The following SLC25A24 variants were observed in gnomAD, a reference collection of about 807,000 sequenced individuals.
SLC25A24 encodes solute carrier family 25 member 24.
Under a neutral mutation model 60.7 loss-of-function variants are expected in SLC25A24, and 49 were observed. The observed-to-expected ratio is 0.81, with a 90% CI of 0.64 to 1.02. The LOEUF (loss-of-function observed/expected upper bound fraction) is 1.02, where lower values mean the gene tolerates loss of function less well. Among genes scored for constraint, SLC25A24 ranks in the 50% least tolerant of loss-of-function variants. The probability of loss-of-function intolerance (pLI) is 0.00; values close to 1 mark genes in which losing one functional copy is unlikely to be tolerated. For missense variants in SLC25A24, 564 were observed against 586.3 expected, an observed-to-expected ratio of 0.96 and a Z score of 0.39; for synonymous variants, 202 against 200.6, an observed-to-expected ratio of 1.01 and a Z score of -0.06.
intron 4 of SLC25A24, among the ~76,000 whole-genome samples, chr1:108,159,095 A>G (rs1679983609): frequency 6.6e-6 from 1 of 152,242 alleles, no homozygotes; most frequent in East Asian, 1.9e-4. Context: ...TTGCACAATA[A>G]TAGAACTTGG....
intron 1 of SLC25A24, among the ~76,000 whole-genome samples, chr1:108,189,017 G>C (rs1458137854): frequency 6.6e-6 from 1 of 152,182 alleles, no homozygotes; most frequent in Non-Finnish European, 1.5e-5. Flanking sequence ...GAGATTTTCA[G>C]TGTTTCAGCA....
In SLC25A24 at chr1:108,164,223, T is replaced by C. The variant is rs1680176712; in HGVS notation, c.399-2930A>G. Among the ~76,000 whole-genome samples, 4 of 152,272 alleles carry C rather than the reference T, an allele frequency of 2.6e-5. No homozygotes were observed. The South Asian group carries it at 6.2e-4, about 24-fold the overall frequency. The stretch of plus-strand genomic sequence containing the variant: ...ATTTTATTGAGGATTTTTGCATCAA[T>C]GTTCATCAAGGATATTGGTCTAAAA... On this transcript the variant is annotated intron_variant, in intron 3 of 9. Transcript: ENST00000565488.
chr1:108,160,493 A>G (rs930445189), intron 4 of SLC25A24, among the ~76,000 whole-genome samples: 1 of 148,800 alleles, frequency 6.7e-6, no homozygotes, highest in African/African-American at 2.5e-5. Context: ...GGGGCTCCTC[A>G]TATCCCAGAC....
intron 8 of SLC25A24, among the ~76,000 whole-genome samples, chr1:108,142,874 C>T (rs542319218): frequency 6.6e-6 from 1 of 152,102 alleles, no homozygotes; most frequent in Admixed American, 6.5e-5. Context: ...CTCAATAAAG[C>T]TCTTTAAAAA....
intron 1 of SLC25A24, among the ~76,000 whole-genome samples, chr1:108,186,399 T>A (rs907891027): frequency 2.6e-5 from 4 of 151,888 alleles, no homozygotes; most frequent in Admixed American, 1.3e-4. Flanking sequence ...CCATAAAAAA[T>A]TTTTAAAATT....
chr1:108,155,625 G>A (rs1679876621), intron 5 of SLC25A24, among the ~76,000 whole-genome samples: 1 of 152,028 alleles, frequency 6.6e-6, no homozygotes, highest in Non-Finnish European at 1.5e-5. Context: ...AACTGTAAAT[G>A]GGTCTGAAAT....
At chr1:108,150,341 G>C (rs1367350798) in intron 6 of SLC25A24, among the ~76,000 whole-genome samples, 2 of 152,144 alleles carry the variant, frequency 1.3e-5, no homozygotes, top group South Asian at 2.1e-4. Flanking sequence ...ATGTCACCAA[G>C]CTTAGTCCCC....
At chr1:108,173,281 T>C (rs1328882500) in intron 3 of SLC25A24, among the ~76,000 whole-genome samples, 1 of 152,160 alleles carries the variant, frequency 6.6e-6, no homozygotes, top group African/African-American at 2.4e-5. Context: ...AATTGAATTA[T>C]GGGGGGTGGT....
At chr1:108,192,782 A>G (rs1648386896) in intron 1 of SLC25A24, 2 of 1,307,994 alleles carry the variant, frequency 1.5e-6, no homozygotes, top group Non-Finnish European at 2.0e-6. Context: ...TTCATCGGTT[A>G]AAGCTCTGGA....
At chr1:108,154,280 A>G (rs1321430469) in intron 6 of SLC25A24, among the ~76,000 whole-genome samples, 1 of 152,098 alleles carries the variant, frequency 6.6e-6, no homozygotes, top group Non-Finnish European at 1.5e-5. Flanking sequence ...TGGAATAAAT[A>G]ATGGAAAACA....
intron 6 of SLC25A24, among the ~76,000 whole-genome samples, chr1:108,151,554 A>AT (rs753839061): frequency 4.3e-4 from 66 of 152,066 alleles, no homozygotes; most frequent in Non-Finnish European, 8.7e-4. Flanking sequence ...CTCTCTCTGG[A>AT]TTTTCTCCCA....
chr1:108,175,372 C>T (rs928468490), intron 3 of SLC25A24, among the ~76,000 whole-genome samples: 1 of 152,140 alleles, frequency 6.6e-6, no homozygotes, highest in Non-Finnish European at 1.5e-5. Flanking sequence ...TTTGCTTCCC[C>T]TTCCACCATG....
At chr1:108,171,749 T>C (rs946677934) in intron 3 of SLC25A24, among the ~76,000 whole-genome samples, 2 of 152,224 alleles carry the variant, frequency 1.3e-5, no homozygotes, top group Admixed American at 6.5e-5. Context: ...TCATTGAGCA[T>C]TTGCCAGGCA....
intron 1 of SLC25A24, among the ~76,000 whole-genome samples, chr1:108,186,283 C>A (rs116171425): frequency 9.9e-5 from 15 of 152,142 alleles, no homozygotes; most frequent in African/African-American, 3.6e-4. Flanking sequence ...ACCACTTGAC[C>A]TACCACAGGA....
chr1:108,198,938 A>G (rs2101651642), intron 1 of SLC25A24: 1 of 152,392 alleles, frequency 6.6e-6, no homozygotes, highest in Middle Eastern at 3.4e-3. Context: ...CCTTCAAAGT[A>G]TGAATAAAAT....
chr1:108,192,683 C>T, intron 1 of SLC25A24: 1 of 1,460,818 alleles, frequency 6.8e-7, no homozygotes. Flanking sequence ...GAAGTGCGAC[C>T]GACGAACGGG....
chr1:108,154,254 C>T (rs1679829650), intron 6 of SLC25A24, among the ~76,000 whole-genome samples: 1 of 151,708 alleles, frequency 6.6e-6, no homozygotes, highest in Non-Finnish European at 1.5e-5. Context: ...CCCTTACAGT[C>T]CTTGATAAAC....
chr1:108,172,137 GAGC>G (rs1647484854), intron 3 of SLC25A24, among the ~76,000 whole-genome samples: 1 of 152,204 alleles, frequency 6.6e-6, no homozygotes, highest in African/African-American at 2.4e-5. Context: ...AGAAAAATGA[GAGC>G]AGAAGATAAT....
At chr1:108,176,032 C>T (rs1289621621) in intron 3 of SLC25A24, among the ~76,000 whole-genome samples, 1 of 151,878 alleles carries the variant, frequency 6.6e-6, no homozygotes, top group African/African-American at 2.4e-5. Flanking sequence ...AAAGTACCAG[C>T]GACCATCCCT....
Sources: allele counts gnomAD v4.1 joint callset (sites outside exome capture counted in the v4.1 genomes callset), GRCh38; gene constraint gnomAD v4.1.1; transcripts MANE v1.5; gene names NCBI Gene and HGNC (gene_info 2026-07-23, HGNC 2026-07-21).